Variants in KRAS observed in about 807,000 individuals in gnomAD.
KRAS encodes the protein GTPase KRas.
KRAS carries 1 observed loss-of-function variant against 21.0 expected under a neutral mutation model. The observed-to-expected ratio is 0.05, with a 90% CI of 0.02 to 0.23. The LOEUF (loss-of-function observed/expected upper bound fraction) is 0.23, where lower values mean the gene tolerates loss of function less well. KRAS is among the 10% of genes least tolerant of loss of function. The probability of loss-of-function intolerance (pLI) is 1.00; values close to 1 mark genes in which losing one functional copy is unlikely to be tolerated. For synonymous variants in KRAS, 67 were observed against 72.5 expected (o/e 0.92, Z 0.39); for missense variants, 107 against 221.8 (o/e 0.48, Z 3.29).
At position 25,207,921 on chromosome 12, in the gene KRAS, G is replaced by A. The variant is rs1400987348; in HGVS notation, c.*1874C>T. The A allele has an allele frequency of 4.3e-6, 1 of 233,198 alleles. No individual in the cohort carries two copies. Among genetic ancestry groups the A allele is most frequent in the Non-Finnish European group, 8.5e-6 (1 of 118,018 alleles). The allele number at this position is 233,198 out of a possible 1,614,324, so 14.4% of individuals were successfully genotyped here. On this transcript the variant is annotated 3_prime_UTR_variant, in exon 5 of 5. Transcript: ENST00000311936. ...GCAGCAGTAAATCTTATGGTTAGGG[G>A]AATTACAAGTATTAAAACTGCATCA... is the stretch of plus-strand genomic sequence containing the variant.
intron 4 of KRAS, among the ~76,000 whole-genome samples, chr12:25,223,784 T>A (rs1299138995): frequency 6.6e-6 from 1 of 152,212 alleles, no homozygotes; most frequent in Non-Finnish European, 1.5e-5. Context: ...TTTAAATGTT[T>A]AACAATGTAA....
At chr12:25,240,892 G>T (rs758468807) in intron 2 of KRAS, among the ~76,000 whole-genome samples, 2 of 152,012 alleles carry the variant, frequency 1.3e-5, no homozygotes, top group Admixed American at 6.6e-5. Context: ...TAAAAATCAG[G>T]TGCTCACAAC....
At position 25,227,840 on chromosome 12, in the gene KRAS, T is replaced by C. The variant is rs74917120; in HGVS notation, c.112-428A>G. Reference sequence around the variant, plus strand: ...AATTACCATATGATCAGCAATTCCATTCCTAGGTATATAACCAAAATAACT... The same window carrying C: ...AATTACCATATGATCAGCAATTCCACTCCTAGGTATATAACCAAAATAACT... On this transcript the variant is annotated intron_variant, in intron 2 of 4. Coordinates refer to ENST00000311936, the MANE Select transcript of KRAS (RefSeq NM_004985.5). 4.7e-3 allele frequency among the ~76,000 whole-genome samples: 721 copies of C among 152,266 alleles called. 5 individuals are homozygous for C. The highest frequency in any genetic ancestry group is 8.0e-3 in the Non-Finnish European group (544 of 68,016).
At position 25,225,851 on chromosome 12, in the gene KRAS, T is replaced by C. The variant is rs970006324; in HGVS notation, c.291-78A>G. ...CAAAACCTGTCCACAACTTTTGTCA[T>C]AAAATTTGGCTGAAAGAAAACAATG... is the stretch of plus-strand genomic sequence containing the variant. On this transcript the variant is annotated intron_variant, in intron 3 of 4. Coordinates refer to ENST00000311936, the MANE Select transcript of KRAS (RefSeq NM_004985.5). The C allele has an allele frequency of 6.4e-6, 9 of 1,410,214 alleles. No homozygotes were observed. The African/African-American group carries it at 1.1e-4, about 18-fold the overall frequency. 87.4% of individuals were successfully genotyped at this position (1,410,214 alleles called of 1,614,324 possible). A position where few individuals can be genotyped will look rare whatever the true frequency, so the allele number is the denominator to read the frequency against.
At chr12:25,229,611 T>C (rs1951439522) in intron 2 of KRAS, among the ~76,000 whole-genome samples, 1 of 152,136 alleles carries the variant, frequency 6.6e-6, no homozygotes, top group African/African-American at 2.4e-5. Context: ...TTTCACACAT[T>C]CTGCCAAAAC....
intron 2 of KRAS, chr12:25,235,297 A>C: frequency 2.1e-6 from 1 of 484,414 alleles, no homozygotes; most frequent in South Asian, 3.3e-5. Context: ...CCGAAAGGTT[A>C]TTTAAATTCA....
intron 2 of KRAS, among the ~76,000 whole-genome samples, chr12:25,230,139 A>G (rs889537051): frequency 3.9e-5 from 6 of 152,218 alleles, no homozygotes; most frequent in African/African-American, 9.7e-5. Flanking sequence ...GAGAGAAAGA[A>G]TGGTCATTAC....
intron 4 of KRAS, among the ~76,000 whole-genome samples, chr12:25,214,609 G>C (rs1951233919): frequency 1.3e-5 from 2 of 152,128 alleles, no homozygotes; most frequent in Admixed American, 1.3e-4. Flanking sequence ...GGCTGGTCTT[G>C]AACTCCTGAC....
intron 4 of KRAS, among the ~76,000 whole-genome samples, chr12:25,211,574 T>A (rs190250605): frequency 6.8e-4 from 103 of 152,088 alleles, no homozygotes; most frequent in African/African-American, 2.2e-3. Context: ...CATGACTCTG[T>A]CTCAAAGAAA....
intron 1 of KRAS, among the ~76,000 whole-genome samples, chr12:25,246,147 CAAAAAAAAA>C (rs35617676): frequency 1.2e-5 from 1 of 84,452 alleles, no homozygotes; most frequent in African/African-American, 4.5e-5. Context: ...GACTCCGTCT[CAAAAAAAAA>C]AAAAAAAAAA....
chr12:25,233,569 G>A (rs1037738579), intron 2 of KRAS, among the ~76,000 whole-genome samples: 1 of 152,062 alleles, frequency 6.6e-6, no homozygotes, highest in African/African-American at 2.4e-5. Flanking sequence ...AGCACTCTTC[G>A]GTCTTAAAAA....
chr12:25,227,326 T>G lies in KRAS; in HGVS notation c.198A>C (p.Ala66=), dbSNP rs200229810. 6.2e-7 allele frequency: 1 copy of G among 1,614,028 alleles called. No individual in the cohort carries two copies. The highest frequency in any genetic ancestry group is 1.7e-5 in the Admixed American group (1 of 60,026). ...LDTAGQEEYS[A]MRDQYMRTGE... is the part of the protein sequence containing the mutation. ...CAGTCCTCATGTACTGGTCCCTCAT[T>G]GCACTGTACTCCTCTTGACCTGCTG... Residue 66 remains alanine (A), a synonymous_variant, in exon 3 of 5, where the codon GCA becomes GCC. Coordinates refer to ENST00000311936, the MANE Select transcript of KRAS (RefSeq NM_004985.5).
At chr12:25,211,869 A>G (rs1951203063) in intron 4 of KRAS, among the ~76,000 whole-genome samples, 1 of 152,324 alleles carries the variant, frequency 6.6e-6, no homozygotes, top group South Asian at 2.1e-4. Flanking sequence ...GCACTCACTG[A>G]TGTTTCCCAC....
chr12:25,243,891 G>C (rs1344391914), intron 2 of KRAS, among the ~76,000 whole-genome samples: 1 of 152,204 alleles, frequency 6.6e-6, no homozygotes, highest in East Asian at 1.9e-4. Flanking sequence ...TGCATAGGCA[G>C]TCTACTTCAA....
At chr12:25,241,915 C>T (rs1340136103) in intron 2 of KRAS, among the ~76,000 whole-genome samples, 4 of 152,176 alleles carry the variant, frequency 2.6e-5, no homozygotes, top group Non-Finnish European at 5.9e-5. Flanking sequence ...TTACAAATTA[C>T]ATAAGGCTTT....
intron 2 of KRAS, among the ~76,000 whole-genome samples, chr12:25,232,683 T>TA (rs1439523589): frequency 6.6e-6 from 1 of 152,216 alleles, no homozygotes; most frequent in Non-Finnish European, 1.5e-5. Flanking sequence ...TAAAGTAACT[T>TA]AAACTAACTC....
intron 4 of KRAS, among the ~76,000 whole-genome samples, chr12:25,215,982 G>C (rs1264525517): frequency 6.6e-6 from 1 of 152,122 alleles, no homozygotes; most frequent in Non-Finnish European, 1.5e-5. Flanking sequence ...TCCTCCAGGG[G>C]AGAATGAGAA....
intron 1 of KRAS, among the ~76,000 whole-genome samples, chr12:25,247,084 T>A (rs2135808982): frequency 6.6e-6 from 1 of 152,298 alleles, no homozygotes; most frequent in Non-Finnish European, 1.5e-5. Flanking sequence ...TGTTTCAAAT[T>A]TTTTGAAATA....
intron 4 of KRAS, among the ~76,000 whole-genome samples, chr12:25,218,945 G>GTTT (rs71065925): frequency 6.9e-6 from 1 of 144,504 alleles, no homozygotes; most frequent in African/African-American, 2.6e-5. Flanking sequence ...TTCTTTTTTT[G>GTTT]TTTTTTTTTT....
Sources: allele counts gnomAD v4.1 joint callset (sites outside exome capture counted in the v4.1 genomes callset), GRCh38; gene constraint gnomAD v4.1.1; transcripts MANE v1.5; gene names NCBI Gene and HGNC (gene_info 2026-07-23, HGNC 2026-07-21).